The following TPRG1 variants were observed in gnomAD, a reference collection of about 807,000 sequenced individuals.
TPRG1 encodes the protein tumor protein p63-regulated gene 1 protein.
Under a neutral mutation model 29.3 loss-of-function variants are expected in TPRG1, and 29 were observed. The observed-to-expected ratio is 0.99, with a 90% CI of 0.74 to 1.35. The LOEUF is 1.35. Ranked by LOEUF, TPRG1 falls within the 40% of genes most tolerant of loss-of-function variation. TPRG1 has a pLI of 0.00. For missense variants in TPRG1, 327 were observed against 335.0 expected, an observed-to-expected ratio of 0.98 and a Z score of 0.19; for synonymous variants, 130 against 116.8, an observed-to-expected ratio of 1.11 and a Z score of -0.73.
intron 1 of TPRG1, among the ~76,000 whole-genome samples, chr3:189,180,480 G>A (rs1730063540): frequency 6.6e-6 from 1 of 152,252 alleles, no homozygotes; most frequent in African/African-American, 2.4e-5. Flanking sequence ...TTCCAAATGG[G>A]AGAAATTGGC....
At chr3:189,078,262 C>T (rs1052356630) in intron 4 of TPRG1, among the ~76,000 whole-genome samples, 3 of 151,708 alleles carry the variant, frequency 2.0e-5, no homozygotes, top group South Asian at 4.2e-4. Flanking sequence ...CTCACCCTCC[C>T]GAGTAGCTGG....
intron 4 of TPRG1, among the ~76,000 whole-genome samples, chr3:189,057,697 G>A (rs1183998638): frequency 6.7e-6 from 1 of 149,104 alleles, no homozygotes; most frequent in Non-Finnish European, 1.5e-5. Flanking sequence ...AGACAAGAGG[G>A]CATTATTCTA....
At chr3:189,080,847 G>A (rs1318512077) in intron 4 of TPRG1, among the ~76,000 whole-genome samples, 2 of 151,886 alleles carry the variant, frequency 1.3e-5, no homozygotes, top group Non-Finnish European at 2.9e-5. Context: ...TGCTAGTGGA[G>A]GAGTGACATG....
chr3:189,036,816 A>T (rs1030783921), intron 4 of TPRG1, among the ~76,000 whole-genome samples: 3 of 151,988 alleles, frequency 2.0e-5, no homozygotes, highest in Non-Finnish European at 2.9e-5. Flanking sequence ...TGAAGATTAT[A>T]AAGACAGTAA....
chr3:189,232,916 T>G (rs1738893882), intron 3 of TPRG1, among the ~76,000 whole-genome samples: 1 of 152,224 alleles, frequency 6.6e-6, no homozygotes, highest in South Asian at 2.1e-4. Context: ...CGTGCATTTT[T>G]CATCTGTTTG....
At chr3:189,010,821 C>T (rs1712560268) in intron 3 of TPRG1, among the ~76,000 whole-genome samples, 1 of 151,694 alleles carries the variant, frequency 6.6e-6, no homozygotes, top group Non-Finnish European at 1.5e-5. Context: ...GCATCTTCCT[C>T]ATGAACTCTT....
intron 5 of TPRG1, among the ~76,000 whole-genome samples, chr3:189,315,299 TGTGTG>T (rs1560694209): frequency 1.3e-5 from 2 of 151,728 alleles, no homozygotes; most frequent in Non-Finnish European, 2.9e-5. Context: ...TGTGTGTGTG[TGTGTG>T]TGTGTGTGTG....
In TPRG1 at chr3:189,241,977, T is replaced by C. The variant is rs549634434; in HGVS notation, c.479+3068T>C. On this transcript the variant is annotated intron_variant, in intron 4 of 5. Transcript: ENST00000345063. Reference sequence around the variant, plus strand: ...TACAGGTATCAAATTTCTCATTCTTTCAAGGCTTCTAAATTTATGTCTTTT... The same window carrying C: ...TACAGGTATCAAATTTCTCATTCTTCCAAGGCTTCTAAATTTATGTCTTTT... 2.6e-5 allele frequency among the ~76,000 whole-genome samples: 4 copies of C among 152,276 alleles called. No individual in the cohort carries two copies. In the South Asian group the frequency reaches 8.3e-4, roughly 32 times the overall value.
intron 4 of TPRG1, among the ~76,000 whole-genome samples, chr3:189,303,952 A>G (rs1721231729): frequency 6.6e-6 from 1 of 152,100 alleles, no homozygotes; most frequent in Non-Finnish European, 1.5e-5. Flanking sequence ...TTTTATAATT[A>G]TTCACTCTCA....
chr3:189,225,937 A>G (rs936565678), intron 3 of TPRG1, among the ~76,000 whole-genome samples: 22 of 152,254 alleles, frequency 1.4e-4, no homozygotes, highest in Non-Finnish European at 1.8e-4. Context: ...TAAAAGAGAC[A>G]ATCCACCAAG....
In TPRG1 at chr3:189,266,324, G is replaced by A. The variant is rs535496434; in HGVS notation, c.479+27415G>A. Among the ~76,000 whole-genome samples, 201 of 152,240 alleles carry A rather than the reference G, an allele frequency of 1.3e-3. 1 individual carries two copies. The highest frequency in any genetic ancestry group is 4.3e-3 in the African/African-American group (179 of 41,546). ...AGTTCCTCTATGTGTATTATTTAAG[G>A]TGTTACAAAATGTTAATAGGCAGCT... On this transcript the variant is annotated intron_variant, in intron 4 of 5. Coordinates refer to ENST00000345063, the MANE Select transcript of TPRG1 (RefSeq NM_198485.4).
intron 5 of TPRG1, among the ~76,000 whole-genome samples, chr3:189,162,283 G>A (rs1171157204): frequency 6.6e-6 from 1 of 152,062 alleles, no homozygotes; most frequent in African/African-American, 2.4e-5. Flanking sequence ...ATGAGCCATC[G>A]CACCCAGCCG....
rs529228053 is a variant in TPRG1, at chr3:189,142,147, A to G, written c.-290-5437A>G. Reference sequence around the variant, plus strand: ...AGAGGAAAGACAGGTCATTTCGGGCAGGACGGGCAGCACGTACAGAGGACG... The same window carrying G: ...AGAGGAAAGACAGGTCATTTCGGGCGGGACGGGCAGCACGTACAGAGGACG... On this transcript the variant is annotated intron_variant, in intron 3 of 6. Transcript: ENST00000412373. Among the ~76,000 whole-genome samples, 180 of 152,320 alleles carry G rather than the reference A, an allele frequency of 1.2e-3. 1 individual carries two copies. Among genetic ancestry groups the G allele is most frequent in the African/African-American group, 4.1e-3 (170 of 41,570 alleles).
At position 189,022,349 on chromosome 3, in the gene TPRG1, C is replaced by T. The variant is rs1188806617; in HGVS notation, c.-659-1401C>T. ...CCAGTTTTTCTGTTCTGTTTTTTCC[C>T]CATCTTTGTGGTTTTATCTACTTTT... is the stretch of plus-strand genomic sequence containing the variant. On this transcript the variant is annotated intron_variant, in intron 3 of 10. Coordinates refer to the TPRG1 transcript ENST00000433971. Among the ~76,000 whole-genome samples, 3 of 145,568 alleles carry T rather than the reference C, an allele frequency of 2.1e-5. No individual in the cohort carries two copies. In the Admixed American group the frequency reaches 2.1e-4, roughly 10 times the overall value.
chr3:189,258,072 G>A (rs1003266759), intron 4 of TPRG1, among the ~76,000 whole-genome samples: 1 of 152,170 alleles, frequency 6.6e-6, no homozygotes, highest in African/African-American at 2.4e-5. Flanking sequence ...CTTTGGAGGA[G>A]AAGAGGCATT....
chr3:189,206,575 A>G (rs1373275799), intron 1 of TPRG1, among the ~76,000 whole-genome samples: 1 of 147,368 alleles, frequency 6.8e-6, no homozygotes, highest in Non-Finnish European at 1.5e-5. Flanking sequence ...ATCTTGACTC[A>G]CTGCAACTTC....
At chr3:189,133,113 T>C (rs1428873143) in intron 3 of TPRG1, among the ~76,000 whole-genome samples, 1 of 152,174 alleles carries the variant, frequency 6.6e-6, no homozygotes, top group Non-Finnish European at 1.5e-5. Flanking sequence ...CCTGTGTGTA[T>C]TCAGGATTTA....
chr3:189,194,867 G>A (rs1290023697), intron 1 of TPRG1, among the ~76,000 whole-genome samples: 2 of 152,136 alleles, frequency 1.3e-5, no homozygotes, highest in African/African-American at 2.4e-5. Flanking sequence ...GAGCCCTGGA[G>A]CTGGGCTGGG....
At chr3:189,067,969 T>C (rs1429979194) in intron 4 of TPRG1, among the ~76,000 whole-genome samples, 1 of 152,036 alleles carries the variant, frequency 6.6e-6, no homozygotes, top group East Asian at 1.9e-4. Context: ...AACAACTCAA[T>C]AGGGAAAAAT....
Sources: allele counts gnomAD v4.1 joint callset (sites outside exome capture counted in the v4.1 genomes callset), GRCh38; gene constraint gnomAD v4.1.1; transcripts MANE v1.5; gene names NCBI Gene and HGNC (gene_info 2026-07-23, HGNC 2026-07-21).